SGSM2: variants seen among roughly 807,000 people sequenced by gnomAD.
SGSM2 encodes RUN and TBC1 domain containing 1.
In SGSM2, 89 loss-of-function variants were observed where a neutral mutation model predicts 126.6. The ratio of observed to expected loss-of-function variants is 0.70; its 90% CI spans 0.59 to 0.84. The LOEUF is 0.84. Ranked by LOEUF, SGSM2 falls within the 40% of genes least tolerant of loss-of-function variation. The probability of loss-of-function intolerance (pLI) is 0.00; values close to 1 mark genes in which losing one functional copy is unlikely to be tolerated. For missense variants in SGSM2, 1,404 were observed against 1,416.6 expected (o/e 0.99, Z 0.14); for synonymous variants, 614 against 574.3 (o/e 1.07, Z -0.99).
Position 2,373,087 on chromosome 17 carries a change from G to A in SGSM2, c.1917+6G>A. On this transcript the variant is annotated splice_donor_region_variant and intron_variant, in intron 16 of 23. Coordinates refer to ENST00000268989, the MANE Select transcript of SGSM2 (RefSeq NM_014853.3). The stretch of plus-strand genomic sequence containing the variant: ...GCAAGAAGGAGATGGAGCAGGTGAG[G>A]GGAGCCTGTTCCCATGGGGCTGATG... The A allele has an allele frequency of 1.1e-5, 17 of 1,602,858 alleles. No individual in the cohort carries two copies. The highest frequency in any genetic ancestry group is 1.4e-5 in the Non-Finnish European group (17 of 1,176,214).
At chr17:2,368,571 C>T (rs550720678) in intron 12 of SGSM2, among the ~76,000 whole-genome samples, 49 of 152,350 alleles carry the variant, frequency 3.2e-4, no homozygotes, top group Middle Eastern at 3.4e-3. Context: ...GCAGGCAGGA[C>T]GGCCTGGTCT....
chr17:2,375,353 G>A (rs547101834), intron 17 of SGSM2, 139 bp from the exon 18 acceptor site: 17 of 1,127,542 alleles, frequency 1.5e-5, no homozygotes, highest in South Asian at 8.4e-5. Flanking sequence ...TTGGTGCCCC[G>A]TGGCCACAGT....
chr17:2,373,392 TGGTGGTGAGGCAGC>T lies in SGSM2; in HGVS notation c.1982_1995del (p.Val661GlyfsTer42). ...TTGGCAGAGTGGAAGGCCTGCGAGG[TGGTGGTGAGGCAGC>T]GGGAGCGGGAGGCCCACCCAGCCAC... On this transcript the variant is annotated frameshift_variant, in exon 17 of 24. Coordinates refer to ENST00000268989, the MANE Select transcript of SGSM2 (RefSeq NM_014853.3). LOFTEE classifies it high-confidence loss of function. The T allele has an allele frequency of 6.2e-7, 1 of 1,611,726 alleles. No individual in the cohort carries two copies. Among genetic ancestry groups the T allele is most frequent in the East Asian group, 2.2e-5 (1 of 44,750 alleles).
At position 2,362,714 on chromosome 17, in the gene SGSM2, G is replaced by T; in HGVS notation, c.459-124G>T. 1.0e-6 allele frequency: 1 copy of T among 959,020 alleles called. No individual in the cohort carries two copies. Among genetic ancestry groups the T allele is most frequent in the East Asian group, 2.5e-5 (1 of 39,254 alleles). 59.4% of individuals were successfully genotyped at this position (959,020 alleles called of 1,614,324 possible). Reference sequence around the variant, plus strand: ...CACCTCACGAAGCCCAGTCCCTAAGGACTCACTGTTTCTTGATGACTGATC... The same window carrying T: ...CACCTCACGAAGCCCAGTCCCTAAGTACTCACTGTTTCTTGATGACTGATC... On this transcript the variant is annotated intron_variant, in intron 4 of 23. Coordinates refer to ENST00000268989, the MANE Select transcript of SGSM2 (RefSeq NM_014853.3). The surrounding 1 kb of genome is among the most constrained non-coding windows in gnomAD (Gnocchi z 4.9).
intron 16 of SGSM2, 122 bp from the exon 17 acceptor site, chr17:2,373,209 C>T (rs879685028): frequency 6.5e-5 from 100 of 1,541,658 alleles, no homozygotes; most frequent in Non-Finnish European, 8.1e-5. Flanking sequence ...GCTCCACCGT[C>T]CTTACCCTGA....
chr17:2,376,699 G>A (rs762044132), intron 19 of SGSM2, 34 bp from the exon 20 acceptor site: 30 of 1,608,858 alleles, frequency 1.9e-5, no homozygotes, highest in Admixed American at 5.0e-5. Flanking sequence ...GAAGAATGGG[G>A]CACAGCCACA....
chr17:2,359,015 C>A (rs1050585138), intron 2 of SGSM2, among the ~76,000 whole-genome samples: 4 of 151,792 alleles, frequency 2.6e-5, no homozygotes, highest in African/African-American at 9.7e-5. Context: ...GTAGCTGGGA[C>A]TTCAGGTGCC....
Position 2,354,619 on chromosome 17 carries a change from T to C in SGSM2, c.134-7018T>C, listed in dbSNP as rs142003186. ...CTAAATAATCACGCAGTTATATCTG[T>C]AGGACGGATTCTCAGAAGAGGGGTT... On this transcript the variant is annotated intron_variant, in intron 2 of 23. Coordinates refer to ENST00000268989, the MANE Select transcript of SGSM2 (RefSeq NM_014853.3). Among the ~76,000 whole-genome samples the C allele has an allele frequency of 2.1e-3, 321 of 152,384 alleles. 2 individuals carry two copies. The highest frequency in any genetic ancestry group is 7.5e-3 in the African/African-American group (314 of 41,598).
At chr17:2,364,797 A>AGCC in intron 9 of SGSM2, 100 bp from the exon 10 acceptor site, 2 of 1,567,682 alleles carry the variant, frequency 1.3e-6, no homozygotes, top group Middle Eastern at 1.9e-4. Flanking sequence ...GCCATGCTGT[A>AGCC]GCCCAGCCAT....
At position 2,376,146 on chromosome 17, in the gene SGSM2, C is replaced by G. The variant is rs1167437755; in HGVS notation, c.2494C>G (p.Leu832Val). ...VCAAAYTIELLDTVALNLHRI... is the reference protein window; with the variant it reads ...VCAAAYTIELVDTVALNLHRI... ...CCCTCCACTCTTCCAGATAGAATTA[C>G]TGGACACTGTGGCCTTAAACCTGCA... Residue 832 changes from leucine (L) to valine (V), a missense_variant, in exon 19 of 24, where the codon CTG becomes GTG. Transcript: ENST00000268989. The G allele has an allele frequency of 6.2e-7, 1 of 1,614,118 alleles. No homozygotes were observed. Among genetic ancestry groups the G allele is most frequent in the East Asian group, 2.2e-5 (1 of 44,878 alleles).
intron 12 of SGSM2, among the ~76,000 whole-genome samples, chr17:2,370,971 C>T (rs574497803): frequency 1.3e-5 from 2 of 152,298 alleles, no homozygotes; most frequent in Admixed American, 6.5e-5. Context: ...GCTTGCTGGT[C>T]GCAGGATAGA....
chr17:2,341,032 A>G (rs1165154435), intron 1 of SGSM2, among the ~76,000 whole-genome samples: 1 of 152,120 alleles, frequency 6.6e-6, no homozygotes, highest in East Asian at 1.9e-4. Flanking sequence ...CCTCCCCATC[A>G]GCCTGCTTCA....
intron 21 of SGSM2, chr17:2,377,497 AAAAC>A: frequency 1.0e-5 from 2 of 195,740 alleles, no homozygotes; most frequent in Admixed American, 5.4e-5. Context: ...AAAAAAAAAA[AAAAC>A]CATGGTTTCA....
At chr17:2,347,365 C>T (rs1007194564) in intron 2 of SGSM2, among the ~76,000 whole-genome samples, 4 of 151,570 alleles carry the variant, frequency 2.6e-5, no homozygotes. Context: ...CCTTGGCCTC[C>T]CAAAGTGCTG....
At position 2,352,839 on chromosome 17, in the gene SGSM2, G is replaced by A. The variant is rs578227260; in HGVS notation, c.134-8798G>A. Reference sequence around the variant, plus strand: ...GTCGCCCAGGCTGGAGTGCAGTGGCGCGATCTCGGCTCACTGCAAGCTCTG... The same window carrying A: ...GTCGCCCAGGCTGGAGTGCAGTGGCACGATCTCGGCTCACTGCAAGCTCTG... On this transcript the variant is annotated intron_variant, in intron 2 of 23. Coordinates refer to ENST00000268989, the MANE Select transcript of SGSM2 (RefSeq NM_014853.3). 1.1e-4 allele frequency among the ~76,000 whole-genome samples: 13 copies of A among 118,470 alleles called. 2 individuals carry two copies. Among genetic ancestry groups the A allele is most frequent in the Non-Finnish European group, 2.0e-4 (12 of 60,092 alleles). The allele number at this position is 118,470 out of a possible 152,430, so 77.7% of individuals were successfully genotyped here.
chr17:2,366,034 CGCCCG>C (rs1481917492), intron 11 of SGSM2, among the ~76,000 whole-genome samples: 1 of 152,178 alleles, frequency 6.6e-6, no homozygotes, highest in Non-Finnish European at 1.5e-5. Flanking sequence ...GTGACCACTG[CGCCCG>C]GCCCAGCGCT....
Position 2,377,754 on chromosome 17 carries a change from T to C in SGSM2, c.2803-103T>C, listed in dbSNP as rs111519049. On this transcript the variant is annotated intron_variant, in intron 21 of 23. Coordinates refer to ENST00000268989, the MANE Select transcript of SGSM2 (RefSeq NM_014853.3). ...GGCAACAGACAGACCCACTGCCAGG[T>C]TGGGGATCGCCTGCATCCCTGGGCG... The C allele has an allele frequency of 1.2e-3, 848 of 734,966 alleles. 7 individuals carry two copies. In the African/African-American group the frequency reaches 0.013, roughly 11 times the overall value. The allele number at this position is 734,966 out of a possible 1,614,324, so 45.5% of individuals were successfully genotyped here.
rs1370463451 is a variant in SGSM2 at position 2,375,716 on chromosome 17, C to G, written c.2325C>G (p.Gly775=). The change falls in exon 18 of 24, where the codon GGC becomes GGG. Residue 775 remains glycine, a synonymous_variant. Transcript: ENST00000268989. ...QSSLDEGQSV[G]FEEEDGGGEE... is the part of the protein sequence containing the mutation. ...GCCTAGATGAGGGGCAGAGCGTGGG[C>G]TTCGAAGAGGAGGACGGCGGTGGGG... 1.2e-6 allele frequency: 2 copies of G among 1,611,218 alleles called. No individual in the cohort carries two copies. Among genetic ancestry groups the G allele is most frequent in the South Asian group, 1.1e-5 (1 of 91,008 alleles).
intron 8 of SGSM2, 144 bp from the exon 9 acceptor site, chr17:2,364,452 G>T (rs1346318832): frequency 2.2e-6 from 2 of 910,890 alleles, no homozygotes; most frequent in Non-Finnish European, 3.4e-6. Flanking sequence ...AGATCTCAGG[G>T]GTCATGGCTG....
Sources: gnomAD v4.1 joint callset for allele counts (sites outside exome capture counted in the v4.1 genomes callset) on GRCh38, gnomAD v4.1.1 for gene constraint, Gnocchi (gnomAD v3.1) non-coding constraint, MANE v1.5 for transcripts, NCBI Gene and HGNC (gene_info 2026-07-23, HGNC 2026-07-21) for gene names.